Variants in B3GALT1 observed in about 807,000 individuals in gnomAD.
B3GALT1 encodes the protein UDP-Gal:betaGlcNAc beta 1,3-galactosyltransferase, polypeptide 1.
Under a neutral mutation model 23.2 loss-of-function variants are expected in B3GALT1, and 10 were observed. The ratio of observed to expected loss-of-function variants is 0.43; its 90% CI spans 0.27 to 0.73. B3GALT1 has a LOEUF of 0.73. Ranked by LOEUF, B3GALT1 falls within the 30% of genes least tolerant of loss-of-function variation. B3GALT1 has a pLI of 0.21. For missense variants in B3GALT1, 299 were observed against 405.4 expected (o/e 0.74, Z 2.25); for synonymous variants, 156 against 141.5 (o/e 1.10, Z -0.73).
intron 1 of B3GALT1, among the ~76,000 whole-genome samples, chr2:167,363,200 C>T (rs1254352381): frequency 1.3e-5 from 2 of 151,420 alleles, no homozygotes; most frequent in Non-Finnish European, 2.9e-5. Flanking sequence ...TTTAACTGTG[C>T]CACCGCACCC....
chr2:167,333,331 C>A (rs963282543), intron 1 of B3GALT1, among the ~76,000 whole-genome samples: 3 of 152,154 alleles, frequency 2.0e-5, no homozygotes, highest in Admixed American at 2.0e-4. Flanking sequence ...CAACTGGTGC[C>A]GACAGGTGCC....
At chr2:167,851,612 A>C (rs893718808) in intron 4 of B3GALT1, among the ~76,000 whole-genome samples, 1 of 152,236 alleles carries the variant, frequency 6.6e-6, no homozygotes, top group African/African-American at 2.4e-5. Flanking sequence ...ACTACCCAAA[A>C]TAATAAGGCT....
rs1444287210 is a variant in B3GALT1 at position 167,503,620 on chromosome 2, T to C, written c.-410+13343T>C. 2.6e-5 allele frequency among the ~76,000 whole-genome samples: 4 copies of C among 152,200 alleles called. No individual in the cohort carries two copies. The South Asian group carries it at 6.2e-4, about 24-fold the overall frequency. ...ACCAAACGTACTCTTCCCTTGAGTA[T>C]TGCATTTCCAAGAAATTTCCCTCAA... On this transcript the variant is annotated intron_variant, in intron 2 of 4. Coordinates refer to ENST00000392690, the MANE Select transcript of B3GALT1 (RefSeq NM_020981.4).
chr2:167,649,419 C>A (rs1286700057), intron 3 of B3GALT1, among the ~76,000 whole-genome samples: 1 of 151,968 alleles, frequency 6.6e-6, no homozygotes, highest in Non-Finnish European at 1.5e-5. Flanking sequence ...ATTTTTGTCA[C>A]CCCCAAAGGA....
chr2:167,719,915 G>A (rs553230799), intron 3 of B3GALT1, among the ~76,000 whole-genome samples: 1 of 151,724 alleles, frequency 6.6e-6, no homozygotes, highest in African/African-American at 2.4e-5. Context: ...CTGGGTGACA[G>A]AGCGAGACCC....
intron 3 of B3GALT1, among the ~76,000 whole-genome samples, chr2:167,818,317 AC>A (rs1689037904): frequency 6.6e-6 from 1 of 152,280 alleles, no homozygotes; most frequent in East Asian, 1.9e-4. Context: ...CATCAACTAG[AC>A]CTGAGCAGTA....
At chr2:167,378,473 G>C (rs73019801) in intron 1 of B3GALT1, among the ~76,000 whole-genome samples, 3,045 of 151,862 alleles carry the variant, frequency 0.02, 104 homozygotes, top group African/African-American at 0.07. Context: ...TTCATGTTTA[G>C]TTGCCTTAAA....
chr2:167,812,981 A>ACCCCC (rs1688920378), intron 3 of B3GALT1, among the ~76,000 whole-genome samples: 3 of 99,376 alleles, frequency 3.0e-5, no homozygotes, highest in African/African-American at 1.1e-4. Flanking sequence ...ACACACACGC[A>ACCCCC]CCACCACCAC....
At chr2:167,380,894 T>TC (rs1697839136) in intron 1 of B3GALT1, among the ~76,000 whole-genome samples, 1 of 152,178 alleles carries the variant, frequency 6.6e-6, no homozygotes, top group Non-Finnish European at 1.5e-5. Flanking sequence ...GCCTCTGGGA[T>TC]CTGGGGTGTC....
At chr2:167,447,366 A>G (rs189508840) in intron 1 of B3GALT1, among the ~76,000 whole-genome samples, 10 of 152,200 alleles carry the variant, frequency 6.6e-5, no homozygotes, top group Non-Finnish European at 2.9e-5. Context: ...CCGTGCTTGG[A>G]GAACCACTAC....
chr2:167,726,351 C>T (rs994393024), intron 3 of B3GALT1, among the ~76,000 whole-genome samples: 6 of 152,186 alleles, frequency 3.9e-5, no homozygotes, highest in African/African-American at 1.4e-4. Flanking sequence ...GTGCTAGCCC[C>T]ATCTTTGCCA....
At chr2:167,625,748 G>A (rs559588728) in intron 2 of B3GALT1, among the ~76,000 whole-genome samples, 30 of 151,300 alleles carry the variant, frequency 2.0e-4, no homozygotes, top group Non-Finnish European at 2.5e-4. Context: ...TTTGGAAACT[G>A]GCTTTTGTTT....
chr2:167,751,292 CATA>C (rs1013880232), intron 3 of B3GALT1, among the ~76,000 whole-genome samples: 37 of 152,080 alleles, frequency 2.4e-4, no homozygotes, highest in Admixed American at 9.8e-4. Context: ...TAAAATGTGT[CATA>C]ATACCAGCAA....
At chr2:167,393,878 G>A (rs1388259901) in intron 1 of B3GALT1, among the ~76,000 whole-genome samples, 5 of 152,144 alleles carry the variant, frequency 3.3e-5, no homozygotes, top group Admixed American at 2.6e-4. Context: ...TGGACATGGA[G>A]CAAGCAATAT....
intron 2 of B3GALT1, among the ~76,000 whole-genome samples, chr2:167,544,781 A>C (rs1683598085): frequency 6.6e-6 from 1 of 152,124 alleles, no homozygotes; most frequent in African/African-American, 2.4e-5. Flanking sequence ...AGCAAGTCTG[A>C]TGGTGAGACC....
At chr2:167,809,421 A>C (rs1352115342) in intron 3 of B3GALT1, among the ~76,000 whole-genome samples, 3 of 151,898 alleles carry the variant, frequency 2.0e-5, no homozygotes, top group Non-Finnish European at 4.4e-5. Flanking sequence ...GGTTTTATCT[A>C]CCTTTGGTCT....
At chr2:167,795,778 T>C (rs979051354) in intron 3 of B3GALT1, among the ~76,000 whole-genome samples, 2 of 152,220 alleles carry the variant, frequency 1.3e-5, no homozygotes, top group Non-Finnish European at 2.9e-5. Context: ...ATCAGCATTA[T>C]AGAAAACTAG....
chr2:167,533,113 G>T (rs139138112), intron 2 of B3GALT1, among the ~76,000 whole-genome samples: 1 of 152,028 alleles, frequency 6.6e-6, no homozygotes, highest in East Asian at 1.9e-4. Context: ...TGCCTGCCTC[G>T]GCCTCCCAAA....
intron 1 of B3GALT1, among the ~76,000 whole-genome samples, chr2:167,352,533 A>G (rs1328359072): frequency 6.7e-6 from 1 of 148,528 alleles, no homozygotes; most frequent in Non-Finnish European, 1.5e-5. Flanking sequence ...CCTGGCTAAC[A>G]CGGTGAAACT....
Sources: allele counts gnomAD v4.1 joint callset (sites outside exome capture counted in the v4.1 genomes callset), GRCh38; gene constraint gnomAD v4.1.1; transcripts MANE v1.5; gene names NCBI Gene and HGNC (gene_info 2026-07-23, HGNC 2026-07-21).